The following EXT2 variants were observed in gnomAD, a reference collection of about 807,000 sequenced individuals.
The protein encoded by EXT2 is exostosin-2.
In EXT2, 53 loss-of-function variants were observed where a neutral mutation model predicts 81.6. The observed-to-expected ratio is 0.65, with a 90% CI of 0.52 to 0.82. The LOEUF is 0.82. EXT2 is among the 40% of genes least tolerant of loss of function. The probability of loss-of-function intolerance (pLI) is 0.00; values close to 1 mark genes in which losing one functional copy is unlikely to be tolerated. For synonymous variants in EXT2, 320 were observed against 340.0 expected, an observed-to-expected ratio of 0.94 and a Z score of 0.65; for missense variants, 774 against 910.2, an observed-to-expected ratio of 0.85 and a Z score of 1.93.
intron 8 of EXT2, among the ~76,000 whole-genome samples, chr11:44,188,500 G>A (rs932937213): frequency 1.3e-5 from 2 of 152,100 alleles, no homozygotes; most frequent in Admixed American, 6.6e-5. Flanking sequence ...CCTTATGAAG[G>A]GAATTTAGTT....
intron 7 of EXT2, among the ~76,000 whole-genome samples, chr11:44,153,958 G>C: frequency 6.6e-6 from 1 of 151,012 alleles, no homozygotes. Context: ...CTATTTTCAT[G>C]AGAGATATTG....
At position 44,247,992 on chromosome 11, in the gene EXT2, T is replaced by C. The variant is rs371522459; in HGVS notation, c.*3705T>C. Among the ~76,000 whole-genome samples, 13 of 152,144 alleles carry C rather than the reference T, an allele frequency of 8.5e-5. No homozygotes were observed. The highest frequency in any genetic ancestry group is 2.7e-4 in the African/African-American group (11 of 41,432). Reference sequence around the variant, plus strand: ...AGCAGAGACTGGGTTTGGGAAGTGGTTGGGTTCTGGGAAGGCTCTTCCTAG... The same window carrying C: ...AGCAGAGACTGGGTTTGGGAAGTGGCTGGGTTCTGGGAAGGCTCTTCCTAG... On this transcript the variant is annotated 3_prime_UTR_variant, in exon 14 of 14. Coordinates refer to ENST00000533608, the MANE Select transcript of EXT2 (RefSeq NM_207122.2).
chr11:44,098,477 G>C (rs10838232), intron 1 of EXT2, among the ~76,000 whole-genome samples: 40,222 of 151,812 alleles, frequency 0.26, 6,293 homozygotes, highest in Admixed American at 0.44. Context: ...TGGATTACCT[G>C]AGGTCAGGAG....
chr11:44,232,605 T>A, intron 11 of EXT2, 109 bp downstream of exon 11: 6 of 1,369,752 alleles, frequency 4.4e-6, no homozygotes, highest in Non-Finnish European at 6.1e-6. Context: ...AAAAGCCATA[T>A]TGTGTGACAG....
rs1955779674 is a variant in EXT2, at chr11:44,221,321, T to TG, written c.1663-11030dup. 1.3e-5 allele frequency among the ~76,000 whole-genome samples: 2 copies of TG among 152,198 alleles called. 1 individual carries two copies. Among genetic ancestry groups the TG allele is most frequent in the Non-Finnish European group, 2.9e-5 (2 of 68,032 alleles). Reference sequence around the variant, plus strand: ...AGGATCTTTCCTATCTGCAGCACCATGGAGGCCACCTGGTTTCGTATCTCT... The same window carrying TG: ...AGGATCTTTCCTATCTGCAGCACCATGGGAGGCCACCTGGTTTCGTATCTCT... On this transcript the variant is annotated intron_variant, in intron 10 of 13. Coordinates refer to ENST00000533608, the MANE Select transcript of EXT2 (RefSeq NM_207122.2).
intron 7 of EXT2, among the ~76,000 whole-genome samples, chr11:44,150,728 T>C (rs1003412641): frequency 6.6e-6 from 1 of 152,176 alleles, no homozygotes; most frequent in African/African-American, 2.4e-5. Context: ...CATTTATAAT[T>C]TTGGGGGACA....
chr11:44,227,728 A>C (rs1157322100), intron 10 of EXT2, among the ~76,000 whole-genome samples: 1 of 152,232 alleles, frequency 6.6e-6, no homozygotes, highest in Non-Finnish European at 1.5e-5. Context: ...AGCATAGCTG[A>C]GAATCTAGAG....
At chr11:44,140,963 G>T (rs1195159040) in intron 7 of EXT2, among the ~76,000 whole-genome samples, 1 of 152,174 alleles carries the variant, frequency 6.6e-6, no homozygotes, top group East Asian at 1.9e-4. Context: ...AACATATATA[G>T]CTGTTGATCT....
intron 7 of EXT2, among the ~76,000 whole-genome samples, chr11:44,163,528 C>A (rs4447163): frequency 0.91 from 137,966 of 152,310 alleles, 62,627 homozygotes; most frequent in East Asian, 0.99. Context: ...TTGTTAAAGC[C>A]AACAAATGAA....
chr11:44,183,144 T>C (rs1025399403), intron 8 of EXT2, among the ~76,000 whole-genome samples: 9 of 152,250 alleles, frequency 5.9e-5, no homozygotes, highest in Non-Finnish European at 8.8e-5. Context: ...GGAGAACACA[T>C]GATGTCAATT....
At chr11:44,181,113 A>G (rs1590626920) in intron 8 of EXT2, among the ~76,000 whole-genome samples, 1 of 150,480 alleles carries the variant, frequency 6.6e-6, no homozygotes, top group African/African-American at 2.4e-5. Context: ...AAAAAAAAAA[A>G]GTTTTTTATT....
intron 6 of EXT2, 128 bp from the exon 7 acceptor site, chr11:44,129,917 C>T (rs551113722): frequency 4.1e-5 from 31 of 747,874 alleles, no homozygotes; most frequent in East Asian, 2.1e-4. Context: ...TAATACTTAC[C>T]GGAAGGGATG....
intron 1 of EXT2, among the ~76,000 whole-genome samples, chr11:44,097,220 G>A (rs528070830): frequency 9.2e-5 from 14 of 152,308 alleles, no homozygotes; most frequent in African/African-American, 3.1e-4. Flanking sequence ...TGTAGTAAGT[G>A]CTTAGTAAGA....
rs762753229 is a variant in EXT2, at chr11:44,114,311, A to C, written c.743+10A>C. 2.5e-5 allele frequency: 40 copies of C among 1,608,106 alleles called. No individual in the cohort carries two copies. Among genetic ancestry groups the C allele is most frequent in the African/African-American group, 1.3e-5 (1 of 74,776 alleles). Reference sequence around the variant, plus strand: ...CAGAGAAAGGACCAGGGTAAGGTACATTCATCCCAGCCAGGTGTGCCTTTA... The same window carrying C: ...CAGAGAAAGGACCAGGGTAAGGTACCTTCATCCCAGCCAGGTGTGCCTTTA... On this transcript the variant is annotated intron_variant, in intron 4 of 13. Transcript: ENST00000533608.
intron 7 of EXT2, among the ~76,000 whole-genome samples, chr11:44,131,303 G>A (rs1367188461): frequency 1.3e-5 from 2 of 152,122 alleles, no homozygotes; most frequent in Non-Finnish European, 2.9e-5. Flanking sequence ...AGGAGAGTGA[G>A]GTTAGTGGAT....
In EXT2 at chr11:44,234,048, C is replaced by T. The variant is rs916000428; in HGVS notation, c.1807-67C>T. ...TTGTCCCCATGCCTTGGCTATGCTG[C>T]CCCTTATTTATCAGCTAAAGGGAAC... On this transcript the variant is annotated intron_variant, in intron 11 of 13. Transcript: ENST00000533608. 3.7e-6 allele frequency: 6 copies of T among 1,609,912 alleles called. No individual in the cohort carries two copies. In the African/African-American group the frequency reaches 8.0e-5, roughly 22 times the overall value.
Position 44,095,859 on chromosome 11 carries a change from G to T in EXT2, c.-31+7G>T, listed in dbSNP as rs58861092. 15,975 of 181,534 alleles carry T rather than the reference G, an allele frequency of 0.088. 847 individuals are homozygous for T. The highest frequency in any genetic ancestry group is 0.13 in the South Asian group (920 of 7,108). The allele number at this position is 181,534 out of a possible 1,614,324, so 11.2% of individuals were successfully genotyped here. On this transcript the variant is annotated splice_region_variant and intron_variant, in intron 1 of 13. Coordinates refer to ENST00000533608, the MANE Select transcript of EXT2 (RefSeq NM_207122.2). ...GGAGGCAGCCGTGGCCGAGGTAAGC[G>T]CGGCTCTCCAGGGCGGCGGCCGGGC...
At chr11:44,185,866 G>C (rs1347347555) in intron 8 of EXT2, among the ~76,000 whole-genome samples, 1 of 152,188 alleles carries the variant, frequency 6.6e-6, no homozygotes, top group Admixed American at 6.5e-5. Flanking sequence ...TTTATGCCCA[G>C]ATCAGAGAAT....
chr11:44,238,528 C>T (rs779552189), intron 13 of EXT2, among the ~76,000 whole-genome samples: 26 of 152,192 alleles, frequency 1.7e-4, no homozygotes, highest in African/African-American at 4.1e-4. Context: ...GGGATTGGAG[C>T]GAACTGTTGG....
Sources: gnomAD v4.1 joint callset for allele counts (sites outside exome capture counted in the v4.1 genomes callset) on GRCh38, gnomAD v4.1.1 for gene constraint, MANE v1.5 for transcripts, NCBI Gene and HGNC (gene_info 2026-07-23, HGNC 2026-07-21) for gene names.